The following ZIM2 variants were observed in gnomAD, a reference collection of about 807,000 sequenced individuals.
The protein encoded by ZIM2 is zinc finger imprinted 2, also known as zinc finger protein 656.
Under a neutral mutation model 38.6 loss-of-function variants are expected in ZIM2, and 14 were observed. The ratio of observed to expected loss-of-function variants is 0.36; its 90% CI spans 0.24 to 0.57. ZIM2 has a LOEUF of 0.57. ZIM2 is among the 20% of genes least tolerant of loss of function. The pLI is 0.81. For synonymous variants in ZIM2, 247 were observed against 245.8 expected, an observed-to-expected ratio of 1.00 and a Z score of -0.04; for missense variants, 680 against 695.1, an observed-to-expected ratio of 0.98 and a Z score of 0.24.
At chr19:56,800,276 A>G (rs2047450478) in intron 9 of ZIM2, among the ~76,000 whole-genome samples, 1 of 152,220 alleles carries the variant, frequency 6.6e-6, no homozygotes, top group Non-Finnish European at 1.5e-5. Flanking sequence ...CAGACTTTTC[A>G]TGTAATTTAA....
intron 9 of ZIM2, chr19:56,811,712 A>C: frequency 1.0e-6 from 1 of 985,536 alleles, no homozygotes; most frequent in South Asian, 4.7e-5. Flanking sequence ...ACTGCCCCTC[A>C]GCTTTCCCGA....
intron 9 of ZIM2, chr19:56,816,738 A>G: frequency 1.2e-6 from 2 of 1,614,154 alleles, no homozygotes; most frequent in Non-Finnish European, 1.7e-6. Flanking sequence ...AGGTTTCCTT[A>G]CACACCCTGC....
chr19:56,825,752 A>C (rs887431738), intron 3 of ZIM2, among the ~76,000 whole-genome samples: 1 of 152,234 alleles, frequency 6.6e-6, no homozygotes, highest in African/African-American at 2.4e-5. Flanking sequence ...AGAAGAAAAA[A>C]AACCATATGC....
chr19:56,838,489 G>A (rs562984304), intron 1 of ZIM2, among the ~76,000 whole-genome samples: 2 of 152,272 alleles, frequency 1.3e-5, no homozygotes, highest in Admixed American at 6.5e-5. Flanking sequence ...CAGGGCGCCT[G>A]CACAACCCGC....
At chr19:56,780,451 C>A (rs1200922754) in intron 11 of ZIM2, among the ~76,000 whole-genome samples, 3 of 152,004 alleles carry the variant, frequency 2.0e-5, no homozygotes, top group African/African-American at 7.2e-5. Context: ...ACCATGTTGG[C>A]CAGGCTGGTC....
chr19:56,829,641 A>G (rs1451090718), intron 2 of ZIM2, among the ~76,000 whole-genome samples: 2 of 152,240 alleles, frequency 1.3e-5, no homozygotes, highest in African/African-American at 4.8e-5. Context: ...GGTGGGCCAT[A>G]TGCAATGAGG....
intron 7 of ZIM2, among the ~76,000 whole-genome samples, chr19:56,819,433 A>G (rs972937674): frequency 2.0e-5 from 3 of 152,254 alleles, no homozygotes; most frequent in Admixed American, 2.0e-4. Context: ...ACCTTCTACC[A>G]GGATTCTAAA....
rs60896396 is a variant in ZIM2, at chr19:56,779,389, C to G, written c.823G>C (p.Val275Leu). 14 of 1,613,848 alleles carry G rather than the reference C, an allele frequency of 8.7e-6. No individual in the cohort carries two copies. In the East Asian group the frequency reaches 3.1e-4, roughly 36 times the overall value. Residue 275 changes from valine to leucine, a missense_variant, in exon 12 of 13, where the codon GTG (valine) becomes CTG (leucine). Val to Leu is a conservative substitution (Grantham distance 32). Transcript: ENST00000629319. ...CCTCACTACTCACCTTGACAAATCA[C>G]TGTATGTCTGCTGTCTGTCTCCATT... is the stretch of plus-strand genomic sequence containing the variant. ...YAMETDSRHT[V>L]ICQGESHDDP...
intron 9 of ZIM2, chr19:56,811,204 A>G: frequency 1.0e-6 from 1 of 969,956 alleles, no homozygotes; most frequent in Non-Finnish European, 1.2e-6. Context: ...CACTACCATA[A>G]AGAACATTCA....
intron 9 of ZIM2, among the ~76,000 whole-genome samples, chr19:56,795,353 G>A (rs1173695889): frequency 1.3e-5 from 2 of 152,172 alleles, no homozygotes; most frequent in Non-Finnish European, 2.9e-5. Context: ...GCGCTGCCCC[G>A]CGCTGGATGC....
At chr19:56,782,318 G>C in intron 10 of ZIM2, 197 bp from the exon 11 acceptor site, 4 of 700,200 alleles carry the variant, frequency 5.7e-6, no homozygotes, top group South Asian at 5.5e-5. Flanking sequence ...TACAGATTTG[G>C]GTTGAGGGGG....
chr19:56,816,289 T>A, intron 9 of ZIM2: 1 of 1,614,000 alleles, frequency 6.2e-7, no homozygotes, highest in South Asian at 1.1e-5. Flanking sequence ...AGATTTCTCA[T>A]ACCCTCTGCC....
In ZIM2 at chr19:56,840,651, G is replaced by T. The variant is rs930970068; in HGVS notation, c.-383C>A. On this transcript the variant is annotated 5_prime_UTR_variant, in exon 1 of 13. Coordinates refer to ENST00000629319, the MANE Select transcript of ZIM2 (RefSeq NM_001387356.1). ...CGCACCCTCATGGCGCCCGGCGCCC[G>T]GCGGCGCCACCAGCCCAGGGTGGAC... 1 of 152,914 alleles carries T rather than the reference G, an allele frequency of 6.5e-6. No individual in the cohort carries two copies. The highest frequency in any genetic ancestry group is 2.4e-5 in the African/African-American group (1 of 41,476). 9.5% of individuals were successfully genotyped at this position (152,914 alleles called of 1,614,324 possible). A position where few individuals can be genotyped will look rare whatever the true frequency, so the allele number is the denominator to read the frequency against.
chr19:56,774,912 A>G lies in ZIM2; in HGVS notation c.1453T>C (p.Tyr485His). ...CCAACGTAGTCATGTTTCCGCTGAT[A>G]ACGAATTAAGTATGTCTTGCTGTGG... ...LSHSKTYLIR[Y>H]QRKHDYVGER... The change falls in exon 13 of 13, where the codon TAT becomes CAT. Residue 485 changes from tyrosine to histidine, a missense_variant. Tyr to His is a moderately conservative substitution (Grantham distance 83). Transcript: ENST00000629319. 6.2e-7 allele frequency: 1 copy of G among 1,614,196 alleles called. No homozygotes were observed.
chr19:56,805,282 G>T lies in ZIM2; in HGVS notation c.490+12464C>A, dbSNP rs549264659. Among the ~76,000 whole-genome samples the T allele has an allele frequency of 1.1e-4, 17 of 152,276 alleles. No homozygotes were observed. In the East Asian group the frequency reaches 3.3e-3, roughly 29 times the overall value. On this transcript the variant is annotated intron_variant, in intron 9 of 12. Coordinates refer to ENST00000629319, the MANE Select transcript of ZIM2 (RefSeq NM_001387356.1). The stretch of plus-strand genomic sequence containing the variant: ...GGGCAAATCGTTCAATCCCATTTGA[G>T]AACCACAGACTTACTCCACAATTTC...
chr19:56,787,800 T>C (rs1249974036), intron 10 of ZIM2, among the ~76,000 whole-genome samples: 16 of 150,624 alleles, frequency 1.1e-4, no homozygotes, highest in Admixed American at 6.6e-5. Context: ...TTCGACTTCT[T>C]CCTGGTTTAG....
chr19:56,814,238 C>G lies in ZIM2; in HGVS notation c.490+3508G>C. On this transcript the variant is annotated intron_variant, in intron 9 of 12. Transcript: ENST00000629319. This position sits in a 1 kb window ranked among gnomAD's most constrained non-coding sequence, Gnocchi z 5.8. Reference sequence around the variant, plus strand: ...TCAGCAGCCTCCACTTCTGGCTCGGCAGCCTCCACTTCTGGCTCAGCAGCC... The same window carrying G: ...TCAGCAGCCTCCACTTCTGGCTCGGGAGCCTCCACTTCTGGCTCAGCAGCC... 1 of 1,613,368 alleles carries G rather than the reference C, an allele frequency of 6.2e-7. No individual in the cohort carries two copies. The highest frequency in any genetic ancestry group is 1.3e-5 in the African/African-American group (1 of 75,030).
At chr19:56,813,046 C>G (rs1781204563) in intron 9 of ZIM2, 1 of 984,678 alleles carries the variant, frequency 1.0e-6, no homozygotes, top group African/African-American at 1.7e-5. Context: ...GCCATGTTAT[C>G]TATCATGCCT....
chr19:56,789,127 AAC>A (rs1339601991), intron 10 of ZIM2, among the ~76,000 whole-genome samples: 1 of 152,064 alleles, frequency 6.6e-6, no homozygotes, highest in Non-Finnish European at 1.5e-5. Context: ...TTGGATAAAC[AAC>A]AGTTTTTTAC....
Sources: allele counts gnomAD v4.1 joint callset (sites outside exome capture counted in the v4.1 genomes callset), GRCh38; gene constraint gnomAD v4.1.1; non-coding constraint Gnocchi (gnomAD v3.1); transcripts MANE v1.5; gene names NCBI Gene and HGNC (gene_info 2026-07-23, HGNC 2026-07-21).